The following VPS13D variants were observed in gnomAD, a reference collection of about 807,000 sequenced individuals.
VPS13D encodes intermembrane lipid transfer protein VPS13D.
In VPS13D, 187 loss-of-function variants were observed where a neutral mutation model predicts 461.9. The ratio of observed to expected loss-of-function variants is 0.40; its 90% CI spans 0.36 to 0.46. The LOEUF (loss-of-function observed/expected upper bound fraction) is 0.46, where lower values mean the gene tolerates loss of function less well. VPS13D is among the 20% of genes least tolerant of loss of function. VPS13D has a pLI of 0.60. For synonymous variants in VPS13D, 1,951 were observed against 1,986.3 expected (o/e 0.98, Z 0.47); for missense variants, 4,711 against 5,364.9 (o/e 0.88, Z 3.81).
chr1:12,384,273 A>G (rs1416696771), intron 58 of VPS13D, among the ~76,000 whole-genome samples: 2 of 152,302 alleles, frequency 1.3e-5, no homozygotes, highest in East Asian at 3.9e-4. Context: ...TTGTGACTGA[A>G]TGTGGGAATG....
Position 12,508,885 on chromosome 1 carries a change from C to T in VPS13D, c.13036-8C>T, listed in dbSNP as rs372305351. ...GGGACAGGTGACCCATCCTGTTCTC[C>T]TCCTTAGGTCCATGTGAAATCTGAG... On this transcript the variant is annotated splice_region_variant and splice_polypyrimidine_tract_variant and intron_variant, in intron 69 of 69. Coordinates refer to ENST00000620676, the MANE Select transcript of VPS13D (RefSeq NM_015378.4). The T allele has an allele frequency of 5.3e-5, 86 of 1,613,042 alleles. No homozygotes were observed. Among genetic ancestry groups the T allele is most frequent in the African/African-American group, 1.1e-4 (8 of 74,882 alleles).
At chr1:12,331,117 G>T (rs1440040369) in intron 37 of VPS13D, among the ~76,000 whole-genome samples, 1 of 152,154 alleles carries the variant, frequency 6.6e-6, no homozygotes, top group East Asian at 1.9e-4. Context: ...ATACATACAG[G>T]TTGAAATTCA....
Position 12,277,913 on chromosome 1 carries a change from G to T in VPS13D, c.4325G>T (p.Arg1442Ile). The change falls in exon 19 of 70, where the codon AGA (arginine) becomes ATA (isoleucine). Residue 1442 changes from arginine (R) to isoleucine (I), a missense_variant. Arg to Ile is a moderately conservative substitution (Grantham distance 97, BLOSUM62 -3). Coordinates refer to ENST00000620676, the MANE Select transcript of VPS13D (RefSeq NM_015378.4). ...TTGAATTGCACCCAGTTGGCAGGTA[G>T]AGAAGCTGTTGGGTCTGAAGGAAGC... Reference protein sequence around the residue: ...YSLNCTQLAGREAVGSEGSRM... With the variant: ...YSLNCTQLAGIEAVGSEGSRM... 6.2e-7 allele frequency: 1 copy of T among 1,614,198 alleles called. No homozygotes were observed. Among genetic ancestry groups the T allele is most frequent in the Non-Finnish European group, 8.5e-7 (1 of 1,180,026 alleles).
At chr1:12,485,319 A>G (rs1645783190) in intron 67 of VPS13D, among the ~76,000 whole-genome samples, 1 of 152,188 alleles carries the variant, frequency 6.6e-6, no homozygotes, top group Admixed American at 6.5e-5. Context: ...AATGCACGCA[A>G]ACTGAAACAG....
At chr1:12,310,833 T>TTCCC (rs1569872292) in intron 27 of VPS13D, among the ~76,000 whole-genome samples, 2 of 50,348 alleles carry the variant, frequency 4.0e-5, no homozygotes, top group East Asian at 6.5e-4. Context: ...CCCTCCTTCC[T>TTCCC]TCCTTCCCTC....
chr1:12,423,006 A>G (rs1469389866), intron 65 of VPS13D, among the ~76,000 whole-genome samples: 1 of 152,176 alleles, frequency 6.6e-6, no homozygotes, highest in Non-Finnish European at 1.5e-5. Flanking sequence ...CCACTATGGT[A>G]GCATTCTTGG....
intron 67 of VPS13D, among the ~76,000 whole-genome samples, chr1:12,463,983 T>C (rs938936513): frequency 2.0e-5 from 3 of 152,228 alleles, no homozygotes; most frequent in Non-Finnish European, 4.4e-5. Context: ...ATAAAAATGC[T>C]GGGTGATATT....
chr1:12,359,758 G>C (rs116610781), intron 50 of VPS13D, among the ~76,000 whole-genome samples: 1 of 152,166 alleles, frequency 6.6e-6, no homozygotes, highest in Non-Finnish European at 1.5e-5. Flanking sequence ...CTTGACATGT[G>C]AACTGTCTTC....
chr1:12,465,888 G>A lies in VPS13D; in HGVS notation c.12662+5492G>A, dbSNP rs1645475833. On this transcript the variant is annotated intron_variant, in intron 67 of 69. Transcript: ENST00000620676. The stretch of plus-strand genomic sequence containing the variant: ...GTGGTGGCTCACGCCTGTAATCCCA[G>A]CACTTTGGGAGGCCGAGGTGGGCGG... Among the ~76,000 whole-genome samples the A allele has an allele frequency of 2.0e-5, 3 of 152,146 alleles. 1 individual carries two copies. In the South Asian group the frequency reaches 6.2e-4, roughly 32 times the overall value.
At chr1:12,482,242 TG>T (rs904128311) in intron 67 of VPS13D, among the ~76,000 whole-genome samples, 27 of 152,202 alleles carry the variant, frequency 1.8e-4, no homozygotes, top group African/African-American at 6.5e-4. Context: ...GGTCAACTGA[TG>T]GCCCTTTACT....
intron 37 of VPS13D, among the ~76,000 whole-genome samples, chr1:12,332,792 C>T (rs1419486428): frequency 1.3e-5 from 2 of 152,044 alleles, no homozygotes; most frequent in Non-Finnish European, 2.9e-5. Flanking sequence ...AAAAGTGAGC[C>T]TTCATATGTA....
Position 12,335,420 on chromosome 1 carries a change from AT to A in VPS13D, c.8429-281del, listed in dbSNP as rs1643427264. Reference sequence around the variant, plus strand: ...AAATTCCACAAAATGCCCTATGGGTATTTTGATGGGGATTTTATTGAATCTA... The same window carrying A: ...AAATTCCACAAAATGCCCTATGGGTATTTGATGGGGATTTTATTGAATCTA... On this transcript the variant is annotated intron_variant, in intron 38 of 69. Coordinates refer to ENST00000620676, the MANE Select transcript of VPS13D (RefSeq NM_015378.4). 5.9e-5 allele frequency among the ~76,000 whole-genome samples: 9 copies of A among 152,302 alleles called. No individual in the cohort carries two copies. The South Asian group carries it at 1.9e-3, about 32-fold the overall frequency.
intron 32 of VPS13D, 34 bp from the exon 33 acceptor site, chr1:12,321,775 A>G (rs769351987): frequency 2.5e-6 from 4 of 1,579,444 alleles, no homozygotes; most frequent in African/African-American, 1.4e-5. Context: ...TAAATCAGAC[A>G]TTAATTCTCG....
At chr1:12,382,917 A>G in intron 57 of VPS13D, 59 bp from the exon 58 acceptor site, 2 of 1,511,336 alleles carry the variant, frequency 1.3e-6, no homozygotes, top group Admixed American at 2.0e-5. Context: ...TGATGTGTTA[A>G]CTTGTCAAAG....
Position 12,239,430 on chromosome 1 carries a change from C to T in VPS13D, c.98-3083C>T, listed in dbSNP as rs1002304853. Among the ~76,000 whole-genome samples, 9 of 152,362 alleles carry T rather than the reference C, an allele frequency of 5.9e-5. 1 individual carries two copies. In the South Asian group the frequency reaches 1.2e-3, roughly 21 times the overall value. On this transcript the variant is annotated intron_variant, in intron 2 of 69. Coordinates refer to ENST00000620676, the MANE Select transcript of VPS13D (RefSeq NM_015378.4). ...CTGGGATTATAGGCGTGAGCCACTG[C>T]GCCCAGCCTTAAGTGGATTTTAGCA...
chr1:12,453,365 A>G (rs1645287592), intron 65 of VPS13D, among the ~76,000 whole-genome samples: 1 of 152,136 alleles, frequency 6.6e-6, no homozygotes, highest in Admixed American at 6.5e-5. Flanking sequence ...TCCAAGAAAG[A>G]GAATGTAAGC....
rs1014482388 is a variant in VPS13D, at chr1:12,244,234, T to G, written c.176-12T>G. On this transcript the variant is annotated splice_polypyrimidine_tract_variant and intron_variant, in intron 3 of 69. Transcript: ENST00000620676. The stretch of plus-strand genomic sequence containing the variant: ...GTACAGATGGTGAACAAGACTTTCC[T>G]TCTCCTTCCAGGCTTCATTGGGAAA... The G allele has an allele frequency of 2.5e-6, 4 of 1,599,864 alleles. No individual in the cohort carries two copies. Among genetic ancestry groups the G allele is most frequent in the Non-Finnish European group, 3.4e-6 (4 of 1,175,172 alleles).
chr1:12,248,532 G>A (rs886901838), intron 5 of VPS13D, among the ~76,000 whole-genome samples: 31 of 151,986 alleles, frequency 2.0e-4, no homozygotes, highest in Non-Finnish European at 2.9e-5. Context: ...TTTAGTAGAA[G>A]TGAGGTCTTG....
At chr1:12,252,681 A>T (rs914280561) in intron 6 of VPS13D, among the ~76,000 whole-genome samples, 1 of 151,610 alleles carries the variant, frequency 6.6e-6, no homozygotes, top group Non-Finnish European at 1.5e-5. Flanking sequence ...CTGAGGCAGG[A>T]GAATCGCTTG....
Sources: gnomAD v4.1 joint callset for allele counts (sites outside exome capture counted in the v4.1 genomes callset) on GRCh38, gnomAD v4.1.1 for gene constraint, MANE v1.5 for transcripts, NCBI Gene and HGNC (gene_info 2026-07-23, HGNC 2026-07-21) for gene names.